PEAK1: variants seen among roughly 807,000 people sequenced by gnomAD.
PEAK1 encodes pseudopodium enriched atypical kinase 1, also known as inactive tyrosine-protein kinase PEAK1.
A neutral mutation model predicts 124.7 loss-of-function variants in PEAK1; 54 were observed. That is an observed-to-expected ratio of 0.43 (90% CI 0.35 to 0.54). The LOEUF is 0.54. PEAK1 is among the 20% of genes least tolerant of loss of function. The probability of loss-of-function intolerance (pLI) is 0.01; values close to 1 mark genes in which losing one functional copy is unlikely to be tolerated. For missense variants in PEAK1, 2,046 were observed against 2,134.5 expected, an observed-to-expected ratio of 0.96 and a Z score of 0.82; for synonymous variants, 719 against 760.0, an observed-to-expected ratio of 0.95 and a Z score of 0.89.
intron 1 of PEAK1, among the ~76,000 whole-genome samples, chr15:77,400,422 A>T (rs1163800527): frequency 6.6e-6 from 1 of 152,124 alleles, no homozygotes; most frequent in African/African-American, 2.4e-5. Flanking sequence ...ATGTCCATCA[A>T]CAGAAACGGA....
Position 77,180,074 on chromosome 15 carries a change from C to G in PEAK1, c.1853G>C (p.Arg618Pro), listed in dbSNP as rs200860058. Reference sequence around the variant, plus strand: ...AACTTTGATAGCATTTTTGGAACTCCGAGCATAAGTTGGCTCGTCATGAAT... The same window carrying G: ...AACTTTGATAGCATTTTTGGAACTCGGAGCATAAGTTGGCTCGTCATGAAT... ...IIIHDEPTYA[R>P]SSKNAIKVPI... Residue 618 changes from arginine to proline, a missense_variant, in exon 7 of 10, where the codon CGG (arginine) becomes CCG (proline). Transcript: ENST00000682557. 9.9e-6 allele frequency: 16 copies of G among 1,613,842 alleles called. No individual in the cohort carries two copies. The highest frequency in any genetic ancestry group is 1.4e-5 in the Non-Finnish European group (16 of 1,179,930).
intron 6 of PEAK1, among the ~76,000 whole-genome samples, chr15:77,187,972 G>A (rs1240114813): frequency 1.3e-5 from 2 of 152,092 alleles, no homozygotes; most frequent in African/African-American, 4.8e-5. Flanking sequence ...GAAAAATGCT[G>A]ACCTGACACC....
At chr15:77,351,201 C>T (rs952713626) in intron 2 of PEAK1, among the ~76,000 whole-genome samples, 3 of 152,218 alleles carry the variant, frequency 2.0e-5, no homozygotes, top group Admixed American at 6.5e-5. Flanking sequence ...TGTCAGACTA[C>T]CTAATATTTA....
intron 1 of PEAK1, among the ~76,000 whole-genome samples, chr15:77,405,042 T>C (rs957344486): frequency 6.6e-6 from 1 of 151,704 alleles, no homozygotes; most frequent in Non-Finnish European, 1.5e-5. Context: ...AGTCTTGCTC[T>C]GTCAGCAGGC....
At chr15:77,272,522 A>C (rs1226851660) in intron 5 of PEAK1, among the ~76,000 whole-genome samples, 5 of 152,200 alleles carry the variant, frequency 3.3e-5, no homozygotes, top group Non-Finnish European at 7.3e-5. Flanking sequence ...GAGATGGATA[A>C]ATTCCTGGGA....
intron 1 of PEAK1, among the ~76,000 whole-genome samples, chr15:77,400,788 G>C (rs550316723): frequency 2.0e-5 from 3 of 152,230 alleles, no homozygotes; most frequent in African/African-American, 7.2e-5. Context: ...AGATATCATA[G>C]CTGACTGCAA....
At chr15:77,347,519 T>C (rs2066939095) in intron 2 of PEAK1, 1 of 985,240 alleles carries the variant, frequency 1.0e-6, no homozygotes, top group South Asian at 4.7e-5. Flanking sequence ...TAGGAACCGT[T>C]AAAGCACAGC....
intron 2 of PEAK1, among the ~76,000 whole-genome samples, chr15:77,310,640 G>C (rs1377532849): frequency 6.6e-6 from 1 of 152,150 alleles, no homozygotes; most frequent in East Asian, 1.9e-4. Context: ...TTTTAGATGG[G>C]AGCTACAACC....
At chr15:77,237,623 A>C (rs1213548211) in intron 6 of PEAK1, among the ~76,000 whole-genome samples, 1 of 151,982 alleles carries the variant, frequency 6.6e-6, no homozygotes, top group Non-Finnish European at 1.5e-5. Context: ...ATGTTACATA[A>C]ATATATGTAT....
chr15:77,326,930 A>G (rs940101038), intron 2 of PEAK1, among the ~76,000 whole-genome samples: 2 of 152,120 alleles, frequency 1.3e-5, no homozygotes, highest in African/African-American at 4.8e-5. Context: ...ATAATCCCAA[A>G]AGGGCCCACT....
intron 6 of PEAK1, among the ~76,000 whole-genome samples, chr15:77,217,882 T>G (rs2059218247): frequency 1.3e-5 from 2 of 152,212 alleles, no homozygotes; most frequent in Non-Finnish European, 2.9e-5. Context: ...TTTTTGATGC[T>G]ACTGTAAATG....
intron 9 of PEAK1, among the ~76,000 whole-genome samples, chr15:77,124,446 T>C (rs1596267797): frequency 6.6e-6 from 1 of 152,344 alleles, no homozygotes; most frequent in East Asian, 1.9e-4. Flanking sequence ...TTTCTGGCTT[T>C]TCTGATTCAT....
intron 7 of PEAK1, among the ~76,000 whole-genome samples, chr15:77,168,654 C>A (rs1196526538): frequency 6.6e-6 from 1 of 152,140 alleles, no homozygotes; most frequent in African/African-American, 2.4e-5. Flanking sequence ...AGGATTGACT[C>A]CTGGATTACT....
rs970900234 is a variant in PEAK1, at chr15:77,121,534, G to C, written c.4078-6215C>G. ...AATGAGTGAAATCTGATCAGTGAGGGCTGTCTGTTGAGTCCAGGCTGCCCT... is the reference window on the plus strand; with the variant it reads ...AATGAGTGAAATCTGATCAGTGAGGCCTGTCTGTTGAGTCCAGGCTGCCCT... On this transcript the variant is annotated intron_variant, in intron 9 of 9. Transcript: ENST00000682557. Among the ~76,000 whole-genome samples the C allele has an allele frequency of 9.2e-5, 14 of 152,170 alleles. 1 individual carries two copies. The highest frequency in any genetic ancestry group is 4.8e-5 in the African/African-American group (2 of 41,444).
intron 6 of PEAK1, among the ~76,000 whole-genome samples, chr15:77,207,179 C>G (rs908287096): frequency 2.0e-5 from 3 of 152,160 alleles, no homozygotes; most frequent in Non-Finnish European, 4.4e-5. Flanking sequence ...AAAACCCAGG[C>G]ATTACCATTC....
In PEAK1 at chr15:77,112,213, C is replaced by G. The variant is rs1476426796; in HGVS notation, c.*1943G>C. On this transcript the variant is annotated 3_prime_UTR_variant, in exon 10 of 10. Coordinates refer to ENST00000682557, the MANE Select transcript of PEAK1 (RefSeq NM_001385026.1). ...CTGGCCAGGGGATAAGGGACATTCT[C>G]CAAATAGAGCCTCACATATTACAAT... 6.6e-6 allele frequency: 1 copy of G among 152,090 alleles called. No homozygotes were observed. Among genetic ancestry groups the G allele is most frequent in the African/African-American group, 2.4e-5 (1 of 41,400 alleles). The allele number at this position is 152,090 out of a possible 1,614,324, so 9.4% of individuals were successfully genotyped here.
intron 2 of PEAK1, among the ~76,000 whole-genome samples, chr15:77,296,849 T>C (rs1473468155): frequency 6.6e-6 from 1 of 151,172 alleles, no homozygotes; most frequent in Non-Finnish European, 1.5e-5. Flanking sequence ...AAGAAAGGGA[T>C]ATAGGGAGAG....
At chr15:77,380,319 C>A (rs2069373764) in intron 1 of PEAK1, among the ~76,000 whole-genome samples, 1 of 152,104 alleles carries the variant, frequency 6.6e-6, no homozygotes, top group Non-Finnish European at 1.5e-5. Flanking sequence ...ATTAGAATCA[C>A]CCTTTCAGCA....
chr15:77,140,262 C>G (rs11630837), intron 8 of PEAK1, among the ~76,000 whole-genome samples: 41,568 of 151,772 alleles, frequency 0.27, 6,740 homozygotes, highest in Middle Eastern at 0.38. Context: ...GCCAATATTA[C>G]CTAAATACTA....
Sources: gnomAD v4.1 joint callset for allele counts (sites outside exome capture counted in the v4.1 genomes callset) on GRCh38, gnomAD v4.1.1 for gene constraint, MANE v1.5 for transcripts, NCBI Gene and HGNC (gene_info 2026-07-23, HGNC 2026-07-21) for gene names.